Variants in EXT1 observed in about 807,000 individuals in gnomAD.
The protein encoded by EXT1 is exostosin glycosyltransferase 1.
Under a neutral mutation model 82.5 loss-of-function variants are expected in EXT1, and 20 were observed. The ratio of observed to expected loss-of-function variants is 0.24; its 90% confidence interval spans 0.17 to 0.35. EXT1 has a LOEUF of 0.35. Among genes scored for constraint, EXT1 ranks in the 10% least tolerant of loss-of-function variants. The pLI is 1.00. For missense variants in EXT1, 757 were observed against 936.5 expected, an observed-to-expected ratio of 0.81 and a Z score of 2.50; for synonymous variants, 348 against 350.8, an observed-to-expected ratio of 0.99 and a Z score of 0.09.
At chr8:117,805,018 G>T (rs1586989312) in intron 9 of EXT1, 125 bp from the exon 10 acceptor site, 2 of 767,352 alleles carry the variant, frequency 2.6e-6, no homozygotes, top group East Asian at 5.2e-5. Context: ...TAATGATAAT[G>T]ATGATGATGA....
In EXT1 at chr8:117,823,559, A is replaced by G. The variant is rs370156291; in HGVS notation, c.1285-962T>C. Among the ~76,000 whole-genome samples the G allele has an allele frequency of 2.6e-5, 4 of 152,040 alleles. No homozygotes were observed. In the South Asian group the frequency reaches 6.2e-4, roughly 24 times the overall value. The stretch of plus-strand genomic sequence containing the variant: ...GTAAGTTTTAAGACATTTAAGACCC[A>G]AATCACCATTTTCCAGGTCTCCATT... On this transcript the variant is annotated intron_variant, in intron 4 of 10. Transcript: ENST00000378204.
Position 118,111,295 on chromosome 8 carries a change from T to C in EXT1, c.-249A>G, listed in dbSNP as rs959504815. 1 of 618,170 alleles carries C rather than the reference T, an allele frequency of 1.6e-6. No homozygotes were observed. Among genetic ancestry groups the C allele is most frequent in the South Asian group, 2.0e-5 (1 of 51,038 alleles). The allele number at this position is 618,170 out of a possible 1,614,324, so 38.3% of individuals were successfully genotyped here. A position where few individuals can be genotyped will look rare whatever the true frequency, so the allele number is the denominator to read the frequency against. On this transcript the variant is annotated 5_prime_UTR_variant, in exon 1 of 11. In the 5' UTR this introduces an upstream ATG that the reference lacks. Transcript: ENST00000378204. ...ATGCACGGGAGAGAGCGGGGCTGAA[T>C]ATCTCGCACCCAGGGCGGGCGAGCA...
At chr8:117,860,104 G>A (rs774300401) in intron 1 of EXT1, among the ~76,000 whole-genome samples, 7 of 129,774 alleles carry the variant, frequency 5.4e-5, no homozygotes, top group African/African-American at 1.5e-4. Flanking sequence ...CTGAGATCAC[G>A]CTACTGCCCT....
At chr8:117,893,688 A>G (rs1341217491) in intron 1 of EXT1, among the ~76,000 whole-genome samples, 1 of 152,128 alleles carries the variant, frequency 6.6e-6, no homozygotes, top group African/African-American at 2.4e-5. Flanking sequence ...CCACGCTTTG[A>G]GCAAGTGAAA....
In EXT1 at chr8:117,796,634, A is replaced by G. The variant is rs1401896676; in HGVS notation, c.*3078T>C. The G allele has an allele frequency of 1.3e-5, 2 of 152,212 alleles. No individual in the cohort carries two copies. The highest frequency in any genetic ancestry group is 2.9e-5 in the Non-Finnish European group (2 of 68,022). 9.4% of individuals were successfully genotyped at this position (152,212 alleles called of 1,614,324 possible). Reference sequence around the variant, plus strand: ...GAAGAAATTAAACTGTAATGCACATAAGATTCCAGTAACAAGCTTTCCCTT... The same window carrying G: ...GAAGAAATTAAACTGTAATGCACATGAGATTCCAGTAACAAGCTTTCCCTT... On this transcript the variant is annotated 3_prime_UTR_variant, in exon 11 of 11. Coordinates refer to ENST00000378204, the MANE Select transcript of EXT1 (RefSeq NM_000127.3).
chr8:118,046,256 A>G (rs1026670974), intron 1 of EXT1, among the ~76,000 whole-genome samples: 1 of 152,050 alleles, frequency 6.6e-6, no homozygotes, highest in Non-Finnish European at 1.5e-5. Context: ...CTGTCAATTT[A>G]AGGAGCAGCA....
At chr8:118,079,143 ATTTT>A (rs1817264594) in intron 1 of EXT1, among the ~76,000 whole-genome samples, 1 of 152,212 alleles carries the variant, frequency 6.6e-6, no homozygotes, top group South Asian at 2.1e-4. Flanking sequence ...CATCAAAAAC[ATTTT>A]TTAATCAAAG....
intron 1 of EXT1, among the ~76,000 whole-genome samples, chr8:117,890,979 G>C (rs905647876): frequency 1.3e-5 from 2 of 152,138 alleles, no homozygotes; most frequent in African/African-American, 4.8e-5. Context: ...CCAGTGCCAT[G>C]CTATACACCC....
At chr8:118,051,737 A>G (rs892796505) in intron 1 of EXT1, among the ~76,000 whole-genome samples, 1 of 151,530 alleles carries the variant, frequency 6.6e-6, no homozygotes, top group East Asian at 1.9e-4. Flanking sequence ...CTTCAGGTAA[A>G]CCCAATCAGC....
intron 1 of EXT1, among the ~76,000 whole-genome samples, chr8:117,913,885 T>C (rs906005760): frequency 6.6e-6 from 1 of 152,170 alleles, no homozygotes; most frequent in Non-Finnish European, 1.5e-5. Context: ...AAGCTGAATA[T>C]GGGAAAGATT....
chr8:117,984,541 C>T (rs1181199603), intron 1 of EXT1, among the ~76,000 whole-genome samples: 3 of 151,752 alleles, frequency 2.0e-5, no homozygotes, highest in South Asian at 4.2e-4. Context: ...GGGGAAGATA[C>T]CTTGGGAAGA....
chr8:117,833,146 T>C (rs1208417294), intron 3 of EXT1, among the ~76,000 whole-genome samples: 1 of 152,136 alleles, frequency 6.6e-6, no homozygotes, highest in African/African-American at 2.4e-5. Context: ...TTGTTAATGA[T>C]AGTACACAGT....
intron 1 of EXT1, among the ~76,000 whole-genome samples, chr8:117,959,043 G>A (rs934017476): frequency 1.3e-5 from 2 of 152,156 alleles, no homozygotes; most frequent in African/African-American, 4.8e-5. Context: ...ATCACTAAGG[G>A]GCCCTTGTTT....
intron 1 of EXT1, among the ~76,000 whole-genome samples, chr8:117,939,863 C>A (rs1814239998): frequency 6.6e-6 from 1 of 152,124 alleles, no homozygotes; most frequent in Non-Finnish European, 1.5e-5. Flanking sequence ...TTGCCCTCAC[C>A]CAGCACACAA....
At position 117,795,123 on chromosome 8, in the gene EXT1, T is replaced by C. The variant is rs1823071785; in HGVS notation, c.*4589A>G. On this transcript the variant is annotated 3_prime_UTR_variant, in exon 11 of 11. Coordinates refer to ENST00000378204, the MANE Select transcript of EXT1 (RefSeq NM_000127.3). ...AGAGTGACTGAAAGGCTAGCCTGAC[T>C]TGATTTTAAACAAGGGTGAGACTGT... The C allele has an allele frequency of 6.6e-6, 1 of 152,238 alleles. No homozygotes were observed. Among genetic ancestry groups the C allele is most frequent in the Non-Finnish European group, 1.5e-5 (1 of 68,042 alleles). The allele number at this position is 152,238 out of a possible 1,614,324, so 9.4% of individuals were successfully genotyped here. A position where few individuals can be genotyped will look rare whatever the true frequency, so the allele number is the denominator to read the frequency against.
intron 1 of EXT1, among the ~76,000 whole-genome samples, chr8:118,013,801 T>C (rs1815952017): frequency 6.6e-6 from 1 of 152,238 alleles, no homozygotes; most frequent in Non-Finnish European, 1.5e-5. Flanking sequence ...AAATATTTCA[T>C]GGGATATACT....
intron 1 of EXT1, among the ~76,000 whole-genome samples, chr8:117,934,706 G>C (rs1023144479): frequency 1.3e-5 from 2 of 152,212 alleles, no homozygotes; most frequent in Non-Finnish European, 2.9e-5. Flanking sequence ...ACCCAGAACT[G>C]TTTCACACCT....
At chr8:117,991,111 CT>C (rs771949980) in intron 1 of EXT1, among the ~76,000 whole-genome samples, 765 of 143,168 alleles carry the variant, frequency 5.3e-3, no homozygotes, top group Middle Eastern at 7.2e-3. Context: ...ACTTCGATGT[CT>C]TTTTTTTTTT....
chr8:118,085,897 G>C (rs1016723353), intron 1 of EXT1, among the ~76,000 whole-genome samples: 6 of 152,088 alleles, frequency 3.9e-5, no homozygotes, highest in Non-Finnish European at 5.9e-5. Context: ...AAAAATAAAA[G>C]AAAAATATCC....
Sources: gnomAD v4.1 joint callset for allele counts (sites outside exome capture counted in the v4.1 genomes callset) on GRCh38, gnomAD v4.1.1 for gene constraint, MANE v1.5 for transcripts, NCBI Gene and HGNC (gene_info 2026-07-23, HGNC 2026-07-21) for gene names.